CCNB2: variants seen among roughly 807,000 people sequenced by gnomAD.
The protein encoded by CCNB2 is cyclin B2.
CCNB2 carries 39 observed loss-of-function variants against 51.1 expected under a neutral mutation model. The ratio of observed to expected loss-of-function variants is 0.76; its 90% CI spans 0.59 to 1.00. The LOEUF is 1.00. Among genes scored for constraint, CCNB2 ranks in the 50% least tolerant of loss-of-function variants. CCNB2 has a pLI of 0.00. For missense variants in CCNB2, 472 were observed against 470.3 expected (o/e 1.00, Z -0.03); for synonymous variants, 174 against 165.5 (o/e 1.05, Z -0.40).
At chr15:59,114,276 TGAA>T (rs1389978751) in intron 3 of CCNB2, among the ~76,000 whole-genome samples, 165 bp from the exon 4 acceptor site, 1 of 152,240 alleles carries the variant, frequency 6.6e-6, no homozygotes, top group East Asian at 1.9e-4. Context: ...AAGTGTCTCT[TGAA>T]GAACTTCACA....
chr15:59,114,449 T>G lies in CCNB2; in HGVS notation c.273T>G (p.Pro91=), dbSNP rs753774515. ...VQMEKLAPKG[P]SPTPEDVSMK... Reference sequence around the variant, plus strand: ...GCCTAAATTTGTTGGTGTAGGGTCCTTCTCCCACACCTGAGGATGTCTCCA... The same window carrying G: ...GCCTAAATTTGTTGGTGTAGGGTCCGTCTCCCACACCTGAGGATGTCTCCA... Residue 91 remains proline, a synonymous_variant, in exon 4 of 9, where the codon CCT becomes CCG. Coordinates refer to ENST00000288207, the MANE Select transcript of CCNB2 (RefSeq NM_004701.4). 1 of 1,597,514 alleles carries G rather than the reference T, an allele frequency of 6.3e-7. No individual in the cohort carries two copies. The highest frequency in any genetic ancestry group is 1.7e-4 in the Middle Eastern group (1 of 5,964).
At chr15:59,117,071 G>T (rs886811673) in intron 6 of CCNB2, 145 bp downstream of exon 6, 7 of 956,048 alleles carry the variant, frequency 7.3e-6, no homozygotes, top group Admixed American at 2.2e-5. Flanking sequence ...AAGAGAAAAG[G>T]CCTCATGATC....
intron 7 of CCNB2, among the ~76,000 whole-genome samples, chr15:59,118,859 G>C (rs1479291193): frequency 6.6e-6 from 1 of 152,236 alleles, no homozygotes; most frequent in Non-Finnish European, 1.5e-5. Context: ...GCCTTGGCCT[G>C]TGTGGCCTAT....
chr15:59,123,145 C>A (rs1206869755), intron 7 of CCNB2, among the ~76,000 whole-genome samples: 1 of 152,180 alleles, frequency 6.6e-6, no homozygotes, highest in Non-Finnish European at 1.5e-5. Flanking sequence ...GGCTTTGATG[C>A]AGGGTTGTGT....
chr15:59,107,170 T>A, intron 1 of CCNB2, 152 bp from the exon 2 acceptor site: 1 of 669,908 alleles, frequency 1.5e-6, no homozygotes, highest in Non-Finnish European at 2.4e-6. Context: ...ACAAATAGCA[T>A]TTTTAGACTT....
intron 3 of CCNB2, among the ~76,000 whole-genome samples, chr15:59,112,830 C>T (rs1377359627): frequency 2.0e-5 from 3 of 151,224 alleles, no homozygotes; most frequent in Non-Finnish European, 4.4e-5. Context: ...GTCAGGAGAT[C>T]GAGACCATCC....
rs141548929 is a variant in CCNB2 at position 59,108,024 on chromosome 15, C to A, written c.267+354C>A. On this transcript the variant is annotated intron_variant, in intron 3 of 8. Coordinates refer to ENST00000288207, the MANE Select transcript of CCNB2 (RefSeq NM_004701.4). ...TGAAAAAAAAAAATAAATATTACGA[C>A]CCTGAATAATAAAGTTGATTACCTT... 3.9e-3 allele frequency among the ~76,000 whole-genome samples: 589 copies of A among 150,782 alleles called. 11 individuals are homozygous for A. Among genetic ancestry groups the A allele is most frequent in the African/African-American group, 0.013 (553 of 41,358 alleles).
chr15:59,109,718 G>A (rs1596330090), intron 3 of CCNB2, among the ~76,000 whole-genome samples: 1 of 152,316 alleles, frequency 6.6e-6, no homozygotes, highest in Middle Eastern at 3.4e-3. Context: ...CGGGTGCAGT[G>A]GCTCACGCCT....
rs149355882 is a variant in CCNB2 at position 59,118,699 on chromosome 15, AAAG to A, written c.975+1338_975+1340del. Reference sequence around the variant, plus strand: ...ACTCTGTCTCCAAAAAAAATATAAAAAAGAAGAAGTTGTCTCGTGACAGCCTCC... The same window carrying A: ...ACTCTGTCTCCAAAAAAAATATAAAAAAGAAGTTGTCTCGTGACAGCCTCC... On this transcript the variant is annotated intron_variant, in intron 7 of 8. Coordinates refer to ENST00000288207, the MANE Select transcript of CCNB2 (RefSeq NM_004701.4). 8.9e-3 allele frequency among the ~76,000 whole-genome samples: 1,354 copies of A among 152,310 alleles called. 15 individuals carry two copies. Among genetic ancestry groups the A allele is most frequent in the African/African-American group, 0.031 (1,286 of 41,568 alleles).
At chr15:59,109,064 G>A (rs1027677723) in intron 3 of CCNB2, among the ~76,000 whole-genome samples, 8 of 150,758 alleles carry the variant, frequency 5.3e-5, no homozygotes, top group African/African-American at 1.9e-4. Context: ...ATATATTTTT[G>A]GGGGGGGACG....
intron 3 of CCNB2, among the ~76,000 whole-genome samples, chr15:59,112,769 T>C (rs2079262581): frequency 1.3e-5 from 2 of 151,970 alleles, no homozygotes; most frequent in Admixed American, 1.3e-4. Context: ...GTGCAGTGGC[T>C]CAAGCCTGTA....
rs1814869459 is a variant in CCNB2 at position 59,105,298 on chromosome 15, T to C, written c.24+6T>C. On this transcript the variant is annotated splice_donor_region_variant and intron_variant, in intron 1 of 8. Coordinates refer to ENST00000288207, the MANE Select transcript of CCNB2 (RefSeq NM_004701.4). ...CGCTGCTCCGACGCCCGACGGTGAG[T>C]GTGCCCGGGGACCGCTCTCAGAGGC... 1 of 1,561,340 alleles carries C rather than the reference T, an allele frequency of 6.4e-7. No individual in the cohort carries two copies. The highest frequency in any genetic ancestry group is 2.4e-5 in the East Asian group (1 of 42,192).
chr15:59,114,212 A>G (rs1596331068), intron 3 of CCNB2, among the ~76,000 whole-genome samples: 1 of 152,318 alleles, frequency 6.6e-6, no homozygotes, highest in East Asian at 1.9e-4. Context: ...TCTGTAGGCC[A>G]TTGGGAGGAC....
rs1198531392 is a variant in CCNB2 at position 59,105,180 on chromosome 15, C to T, written c.-89C>T. 34 of 1,296,742 alleles carry T rather than the reference C, an allele frequency of 2.6e-5. No individual in the cohort carries two copies. Among genetic ancestry groups the T allele is most frequent in the East Asian group, 5.1e-5 (2 of 39,410 alleles). The allele number at this position is 1,296,742 out of a possible 1,614,324, so 80.3% of individuals were successfully genotyped here. ...CAGCGCTGCGGGCTCGGAGAGCAGT[C>T]CTAACGGCGCCTCGTACGCTAGTGT... On this transcript the variant is annotated 5_prime_UTR_variant, in exon 1 of 9. Transcript: ENST00000288207.
intron 8 of CCNB2, chr15:59,123,842 C>G: frequency 2.1e-6 from 1 of 477,248 alleles, no homozygotes; most frequent in Non-Finnish European, 3.8e-6. Flanking sequence ...GAAACAAGGT[C>G]GATAGGCTAG....
chr15:59,110,256 AT>A (rs1394531273), intron 3 of CCNB2, among the ~76,000 whole-genome samples: 1 of 152,150 alleles, frequency 6.6e-6, no homozygotes, highest in African/African-American at 2.4e-5. Flanking sequence ...ACTGTTTGAG[AT>A]AAAGCATTAT....
At chr15:59,107,218 G>C in intron 1 of CCNB2, 104 bp from the exon 2 acceptor site, 5 of 1,006,584 alleles carry the variant, frequency 5.0e-6, no homozygotes, top group Non-Finnish European at 7.2e-6. Context: ...AATAGATCTT[G>C]ACGTATTGTC....
intron 3 of CCNB2, among the ~76,000 whole-genome samples, chr15:59,110,162 G>A (rs1046883391): frequency 2.0e-5 from 3 of 151,814 alleles, no homozygotes; most frequent in African/African-American, 7.3e-5. Context: ...TTCCTCCTGT[G>A]ACCTCCATAA....
chr15:59,122,858 A>G (rs2038205714), intron 7 of CCNB2, among the ~76,000 whole-genome samples: 1 of 152,138 alleles, frequency 6.6e-6, no homozygotes, highest in Admixed American at 6.5e-5. Context: ...TTCTTACATG[A>G]TACATCTTAT....
Sources: gnomAD v4.1 joint callset for allele counts (sites outside exome capture counted in the v4.1 genomes callset) on GRCh38, gnomAD v4.1.1 for gene constraint, MANE v1.5 for transcripts, NCBI Gene and HGNC (gene_info 2026-07-23, HGNC 2026-07-21) for gene names.